DRC5: variants seen among roughly 807,000 people sequenced by gnomAD.
The protein encoded by DRC5 is dynein regulatory complex subunit 5, also known as T-complex-associated testis-expressed protein 1.
At chr6:44,289,922 A>T in the DRC5 span, among the ~76,000 whole-genome samples, 1 of 152,082 alleles carries the variant, frequency 6.6e-6, no homozygotes, top group African/African-American at 2.4e-5. Context: ...GGCCGGTGGG[A>T]GGGAACACTC....
the DRC5 span, among the ~76,000 whole-genome samples, chr6:44,293,871 T>C: frequency 6.6e-6 from 1 of 152,270 alleles, no homozygotes; most frequent in Non-Finnish European, 1.5e-5. Context: ...TCAATACTTG[T>C]ATGCCTATAT....
chr6:44,296,938 C>CTTGGACTTGGG, the DRC5 span, among the ~76,000 whole-genome samples: 2 of 148,414 alleles, frequency 1.3e-5, no homozygotes, highest in African/African-American at 5.0e-5. Flanking sequence ...TGAGCCTCGG[C>CTTGGACTTGGG]CCGTGTGCTT....
the DRC5 span, chr6:44,280,025 T>C: frequency 1.5e-6 from 1 of 676,438 alleles, no homozygotes. Context: ...CTCCCTTCCC[T>C]GCCTCATGTC....
chr6:44,293,348 C>T, the DRC5 span, among the ~76,000 whole-genome samples: 1 of 149,790 alleles, frequency 6.7e-6, no homozygotes, highest in Non-Finnish European at 1.5e-5. Flanking sequence ...TGTGGTGGCT[C>T]ACACCTGTAA....
At chr6:44,291,628 G>A in the DRC5 span, among the ~76,000 whole-genome samples, 8 of 152,172 alleles carry the variant, frequency 5.3e-5, no homozygotes, top group African/African-American at 1.9e-4. Flanking sequence ...CACGTGCCAA[G>A]GTCCCTCAGA....
chr6:44,292,185 G>T, the DRC5 span, among the ~76,000 whole-genome samples: 2 of 152,174 alleles, frequency 1.3e-5, no homozygotes, highest in African/African-American at 4.8e-5. Context: ...TCCGTGGCTG[G>T]ACACCTTGTT....
chr6:44,287,819 C>A, the DRC5 span: 1 of 1,612,626 alleles, frequency 6.2e-7, no homozygotes, highest in Non-Finnish European at 8.5e-7. Flanking sequence ...GTTACGGTAT[C>A]CTGCATGCTG....
At chr6:44,296,938 C>CCTGGACTTGGGCTGGGTGAAA in the DRC5 span, among the ~76,000 whole-genome samples, 1 of 148,310 alleles carries the variant, frequency 6.7e-6, no homozygotes, top group Non-Finnish European at 1.5e-5. Context: ...TGAGCCTCGG[C>CCTGGACTTGGGCTGGGTGAAA]CCGTGTGCTT....
the DRC5 span, chr6:44,287,330 T>C: frequency 1.4e-3 from 1,029 of 754,558 alleles, no homozygotes; most frequent in Non-Finnish European, 1.6e-3. Flanking sequence ...GAGGGTGCAG[T>C]GTGGGTGGGA....
chr6:44,287,494 C>T, the DRC5 span: 16 of 1,543,774 alleles, frequency 1.0e-5, no homozygotes, highest in Non-Finnish European at 5.3e-6. Context: ...AGTCCCCACC[C>T]ACCTAGCCCC....
chr6:44,287,754 G>A, the DRC5 span: 4 of 1,614,214 alleles, frequency 2.5e-6, no homozygotes, highest in African/African-American at 1.3e-5. Flanking sequence ...CTCCAGTGGA[G>A]GAATTGTCCT....
chr6:44,296,934 T>TTGGG, the DRC5 span, among the ~76,000 whole-genome samples: 1 of 149,268 alleles, frequency 6.7e-6, no homozygotes, highest in African/African-American at 2.5e-5. Flanking sequence ...CAACTGAGCC[T>TTGGG]CGGCCCGTGT....
the DRC5 span, chr6:44,282,387 T>G: frequency 6.2e-7 from 1 of 1,614,176 alleles, no homozygotes; most frequent in African/African-American, 1.3e-5. Flanking sequence ...GTTAGCCAGG[T>G]TGAGCACACG....
At chr6:44,280,071 T>C in the DRC5 span, 1 of 1,017,028 alleles carries the variant, frequency 9.8e-7, no homozygotes, top group Non-Finnish European at 1.5e-6. Context: ...CCAAGGTTAT[T>C]CACAGTCCCC....
chr6:44,290,476 C>T, the DRC5 span, among the ~76,000 whole-genome samples: 462 of 152,208 alleles, frequency 3.0e-3, 2 homozygotes, highest in Admixed American at 9.4e-3. Context: ...TGAGTGCTGA[C>T]CTGAGATGGT....
the DRC5 span, chr6:44,279,748 G>GGTGT: frequency 0.034 from 4,556 of 135,276 alleles, 82 homozygotes; most frequent in South Asian, 0.058. Context: ...GTAGCCAGAG[G>GGTGT]GTGTGTGTGT....
At chr6:44,284,676 C>T in the DRC5 span, among the ~76,000 whole-genome samples, 1 of 152,182 alleles carries the variant, frequency 6.6e-6, no homozygotes, top group Non-Finnish European at 1.5e-5. Context: ...CCTCCTTCTC[C>T]TTCCTTCTCC....
the DRC5 span, among the ~76,000 whole-genome samples, chr6:44,283,024 G>T: frequency 2.6e-5 from 4 of 151,898 alleles, no homozygotes; most frequent in African/African-American, 9.7e-5. Context: ...GGATGGTCTT[G>T]ATCTCCTGAC....
At chr6:44,285,654 C>T in the DRC5 span, among the ~76,000 whole-genome samples, 23,866 of 152,150 alleles carry the variant, frequency 0.16, 2,176 homozygotes, top group East Asian at 0.4. Context: ...GTGCCTTTAT[C>T]CCATCAGACT....
Sources: gnomAD v4.1 joint callset for allele counts (sites outside exome capture counted in the v4.1 genomes callset) on GRCh38, gnomAD v4.1.1 for gene constraint, MANE v1.5 for transcripts, NCBI Gene and HGNC (gene_info 2026-07-23, HGNC 2026-07-21) for gene names.